The following ARHGAP26 variants were observed in gnomAD, a reference collection of about 807,000 sequenced individuals.
ARHGAP26 encodes rho GTPase-activating protein 26.
Under a neutral mutation model 104.8 loss-of-function variants are expected in ARHGAP26, and 38 were observed. The ratio of observed to expected loss-of-function variants is 0.36; its 90% CI spans 0.28 to 0.48. The LOEUF (loss-of-function observed/expected upper bound fraction) is 0.48. Among genes scored for constraint, ARHGAP26 ranks in the 20% least tolerant of loss-of-function variants. The pLI is 0.99. For missense variants in ARHGAP26, 704 were observed against 947.9 expected, an observed-to-expected ratio of 0.74 and a Z score of 3.38; for synonymous variants, 341 against 340.0, an observed-to-expected ratio of 1.00 and a Z score of -0.03.
At chr5:143,011,303 C>CTT (rs58841045) in intron 11 of ARHGAP26, among the ~76,000 whole-genome samples, 72,978 of 111,120 alleles carry the variant, frequency 0.66, 26,468 homozygotes, top group Non-Finnish European at 0.81. Flanking sequence ...TAAACCCCCG[C>CTT]TTTTTTTTTT....
At chr5:142,944,810 T>G (rs955798681) in intron 11 of ARHGAP26, among the ~76,000 whole-genome samples, 1 of 152,224 alleles carries the variant, frequency 6.6e-6, no homozygotes, top group Non-Finnish European at 1.5e-5. Context: ...ATTGTTTTAC[T>G]CAGTTCTGCT....
At chr5:142,855,613 T>C (rs1435405307) in intron 1 of ARHGAP26, among the ~76,000 whole-genome samples, 1 of 152,216 alleles carries the variant, frequency 6.6e-6, no homozygotes, top group African/African-American at 2.4e-5. Flanking sequence ...CTAGACACTA[T>C]TCCTTCCTTC....
At chr5:143,004,132 T>C (rs1777602918) in intron 11 of ARHGAP26, among the ~76,000 whole-genome samples, 3 of 151,718 alleles carry the variant, frequency 2.0e-5, no homozygotes, top group Admixed American at 2.0e-4. Flanking sequence ...GTTTGAACAC[T>C]CATCAGTGTA....
chr5:143,098,528 C>G (rs1792746569), intron 17 of ARHGAP26, among the ~76,000 whole-genome samples: 1 of 152,024 alleles, frequency 6.6e-6, no homozygotes, highest in Non-Finnish European at 1.5e-5. Context: ...TAATTTTAAT[C>G]TACATTAGCT....
chr5:142,995,533 G>A (rs1206983995), intron 11 of ARHGAP26, among the ~76,000 whole-genome samples: 1 of 152,232 alleles, frequency 6.6e-6, no homozygotes, highest in African/African-American at 2.4e-5. Context: ...AAAGGATGTG[G>A]AGAAATAGGA....
Position 143,226,557 on chromosome 5 carries a change from A to C in ARHGAP26, c.*4111A>C, listed in dbSNP as rs1024423271. On this transcript the variant is annotated 3_prime_UTR_variant, in exon 23 of 23. Transcript: ENST00000645722. ...TGGTTTCAAATCCCTGCCCCCAGGC[A>C]AGTAAAACCCTGACTTGCTCAAGAC... is the stretch of plus-strand genomic sequence containing the variant. The C allele has an allele frequency of 9.9e-6, 2 of 202,144 alleles. No homozygotes were observed. The highest frequency in any genetic ancestry group is 2.0e-5 in the Non-Finnish European group (2 of 98,480). The allele number at this position is 202,144 out of a possible 1,614,324, so 12.5% of individuals were successfully genotyped here.
chr5:143,154,533 G>T (rs1013806188), intron 20 of ARHGAP26, among the ~76,000 whole-genome samples: 3 of 152,110 alleles, frequency 2.0e-5, no homozygotes, highest in African/African-American at 7.2e-5. Flanking sequence ...TATTTTTCCT[G>T]TGCAGAGAAA....
At chr5:143,009,421 T>C (rs1778435332) in intron 11 of ARHGAP26, among the ~76,000 whole-genome samples, 1 of 152,212 alleles carries the variant, frequency 6.6e-6, no homozygotes, top group African/African-American at 2.4e-5. Context: ...CTCTGCCCAT[T>C]TCCAGCTGTC....
chr5:143,195,366 A>G (rs1189344624), intron 20 of ARHGAP26, among the ~76,000 whole-genome samples: 1 of 151,786 alleles, frequency 6.6e-6, no homozygotes, highest in African/African-American at 2.4e-5. Flanking sequence ...AATTTTAGTT[A>G]CTCCTTTGTT....
At chr5:143,033,017 C>G (rs957699078) in intron 12 of ARHGAP26, among the ~76,000 whole-genome samples, 1 of 152,212 alleles carries the variant, frequency 6.6e-6, no homozygotes, top group Admixed American at 6.5e-5. Context: ...CATTTCTTAA[C>G]ACAGTGTTAT....
intron 1 of ARHGAP26, among the ~76,000 whole-genome samples, chr5:142,785,593 C>T (rs1758416947): frequency 6.6e-6 from 1 of 152,072 alleles, no homozygotes; most frequent in Admixed American, 6.5e-5. Flanking sequence ...TCCTTCATTT[C>T]TACAGAGGAA....
chr5:142,973,305 A>G (rs1430000315), intron 11 of ARHGAP26, among the ~76,000 whole-genome samples: 2 of 152,210 alleles, frequency 1.3e-5, no homozygotes, highest in Non-Finnish European at 2.9e-5. Flanking sequence ...CCTGTGCAGT[A>G]TTTTCTATGT....
At chr5:143,032,757 C>T (rs960587239) in intron 12 of ARHGAP26, among the ~76,000 whole-genome samples, 1 of 152,042 alleles carries the variant, frequency 6.6e-6, no homozygotes, top group African/African-American at 2.4e-5. Flanking sequence ...ATAATAAAAC[C>T]GTTGTTAATT....
intron 21 of ARHGAP26, among the ~76,000 whole-genome samples, chr5:143,213,516 G>A (rs766047769): frequency 1.8e-4 from 28 of 152,312 alleles, no homozygotes; most frequent in East Asian, 3.9e-4. Flanking sequence ...GCTCATGTCC[G>A]CCCGTGGCCT....
intron 11 of ARHGAP26, among the ~76,000 whole-genome samples, chr5:142,987,844 G>A (rs1774996745): frequency 6.6e-6 from 1 of 152,202 alleles, no homozygotes; most frequent in African/African-American, 2.4e-5. Flanking sequence ...CAGGGATGAA[G>A]CCCACTTGAT....
intron 6 of ARHGAP26, among the ~76,000 whole-genome samples, chr5:142,899,557 G>C (rs74946676): frequency 0.082 from 12,496 of 152,064 alleles, 702 homozygotes; most frequent in Middle Eastern, 0.2. Flanking sequence ...TAACCAGGTG[G>C]GACTGCAGCA....
chr5:143,151,782 C>T (rs1799872163), intron 20 of ARHGAP26, among the ~76,000 whole-genome samples: 1 of 152,002 alleles, frequency 6.6e-6, no homozygotes, highest in South Asian at 2.1e-4. Flanking sequence ...ATGGTGAAAC[C>T]CCATCTCTAC....
At chr5:142,839,893 AGGAGG>A (rs796676614) in intron 1 of ARHGAP26, among the ~76,000 whole-genome samples, 142 of 58,962 alleles carry the variant, frequency 2.4e-3, no homozygotes, top group Admixed American at 5.3e-3. Context: ...AGAGAGAGAG[AGGAGG>A]GGAGGGGAGG....
chr5:142,797,874 G>T (rs1235457402), intron 1 of ARHGAP26, among the ~76,000 whole-genome samples: 1 of 152,190 alleles, frequency 6.6e-6, no homozygotes, highest in African/African-American at 2.4e-5. Flanking sequence ...TTAAAATGCA[G>T]GTTCTGAGGT....
Sources: allele counts gnomAD v4.1 joint callset (sites outside exome capture counted in the v4.1 genomes callset), GRCh38; gene constraint gnomAD v4.1.1; transcripts MANE v1.5; gene names NCBI Gene and HGNC (gene_info 2026-07-23, HGNC 2026-07-21).